The following ZNF737 variants were observed in gnomAD, a reference collection of about 807,000 sequenced individuals.
The protein encoded by ZNF737 is zinc finger protein 102 (Y3).
Under a neutral mutation model 11.7 loss-of-function variants are expected in ZNF737, and 13 were observed. The observed-to-expected ratio is 1.11, with a 90% CI of 0.73 to 1.77. The LOEUF (loss-of-function observed/expected upper bound fraction) is 1.77. Among genes scored for constraint, ZNF737 ranks in the 40% most tolerant of loss-of-function variants. The probability of loss-of-function intolerance (pLI) is 0.00; values close to 1 mark genes in which losing one functional copy is unlikely to be tolerated. For synonymous variants in ZNF737, 217 were observed against 216.2 expected (o/e 1.00, Z -0.03); for missense variants, 636 against 638.0 (o/e 1.00, Z 0.03).
chr19:20,564,766 A>ATT (rs1162992096), intron 1 of ZNF737, among the ~76,000 whole-genome samples: 1 of 152,154 alleles, frequency 6.6e-6, no homozygotes, highest in Non-Finnish European at 1.5e-5. Context: ...TGTGAAAATA[A>ATT]TTAAGTGGCA....
chr19:20,535,114 C>T (rs149016737), downstream of ZNF737, among the ~76,000 whole-genome samples: 2,588 of 133,984 alleles, frequency 0.019, 218 homozygotes, highest in African/African-American at 0.068. Context: ...CCTGCCTCTA[C>T]TAAAAATACA....
chr19:20,545,780 T>C lies in ZNF737; in HGVS notation c.423A>G (p.Gln141=), dbSNP rs782275749. The part of the protein sequence containing the change: ...NGLNQYLTTT[Q]SKIFQCDKYV... ...ATTTATCACACTGAAATATTTTGCT[T>C]TGAGTAGTTGTCAAATATTGGTTAA... The change falls in exon 4 of 4, where the codon CAA becomes CAG. Residue 141 remains glutamine, a synonymous_variant. Coordinates refer to ENST00000427401, the MANE Select transcript of ZNF737 (RefSeq NM_001159293.2). 9 of 1,613,064 alleles carry C rather than the reference T, an allele frequency of 5.6e-6. No individual in the cohort carries two copies. Among genetic ancestry groups the C allele is most frequent in the Non-Finnish European group, 7.6e-6 (9 of 1,179,658 alleles).
intron 1 of ZNF737, chr19:20,563,953 CAG>C (rs1555763101): frequency 6.6e-6 from 1 of 152,062 alleles, no homozygotes; most frequent in Non-Finnish European, 1.5e-5. Flanking sequence ...ATCACGATGT[CAG>C]AAGATCACGA....
chr19:20,552,509 G>A lies in ZNF737; in HGVS notation c.192C>T (p.Thr64=), dbSNP rs782398357. The A allele has an allele frequency of 2.5e-5, 40 of 1,594,616 alleles. No homozygotes were observed. The highest frequency in any genetic ancestry group is 1.6e-4 in the Admixed American group (9 of 55,652). ...TCLEQGKKPL[T]MKKHEMVANP... is the part of the protein sequence containing the mutation. ...TGGCTACCATCTCATGTTTCTTCAT[G>A]GTCAAAGGTTTTTTTCCTTGCTCCA... The change falls in exon 3 of 4, where the codon ACC becomes ACT. Residue 64 remains threonine, a synonymous_variant. Transcript: ENST00000427401.
rs1555763624 is a variant in ZNF737 at position 20,565,657 on chromosome 19, G to T, written c.-17C>A. On this transcript the variant is annotated 5_prime_UTR_variant, in exon 1 of 4. Transcript: ENST00000427401. ...TCTCACCATTTCTAGGCTTCCAGGG[G>T]CTCCCGGGCGTCTTAGCTGTGGATC... 5.0e-6 allele frequency: 8 copies of T among 1,614,182 alleles called. No homozygotes were observed. The highest frequency in any genetic ancestry group is 4.0e-5 in the African/African-American group (3 of 75,030).
intron 1 of ZNF737, among the ~76,000 whole-genome samples, chr19:20,564,943 T>G (rs1264658922): frequency 6.6e-6 from 1 of 150,854 alleles, no homozygotes; most frequent in East Asian, 2.0e-4. Flanking sequence ...CAGGAATTTT[T>G]TTTTTTTTTT....
the ZNF737 span, among the ~76,000 whole-genome samples, chr19:20,530,561 G>A: frequency 7.5e-5 from 11 of 147,562 alleles, no homozygotes; most frequent in East Asian, 4.2e-4. Flanking sequence ...TGGGGCGGCC[G>A]GGCAGAGACG....
rs782031893 is a variant in ZNF737 at position 20,539,250 on chromosome 19, A to G, written c.*5342T>C. 2.2e-6 allele frequency: 2 copies of G among 910,562 alleles called. No homozygotes were observed. The highest frequency in any genetic ancestry group is 2.6e-6 in the Non-Finnish European group (2 of 761,840). The allele number at this position is 910,562 out of a possible 1,614,324, so 56.4% of individuals were successfully genotyped here. A position where few individuals can be genotyped will look rare whatever the true frequency, so the allele number is the denominator to read the frequency against. On this transcript the variant is annotated 3_prime_UTR_variant, in exon 4 of 4. Transcript: ENST00000427401. ...GGTTGCAGTGAGCTGAGCACGTACCATTGCAGTGCAGCGTGAGTGACAGAG... is the reference window on the plus strand; with the variant it reads ...GGTTGCAGTGAGCTGAGCACGTACCGTTGCAGTGCAGCGTGAGTGACAGAG...
intron 1 of ZNF737, among the ~76,000 whole-genome samples, chr19:20,562,614 T>C (rs1555762762): frequency 6.6e-6 from 1 of 151,866 alleles, no homozygotes; most frequent in Non-Finnish European, 1.5e-5. Context: ...CACCTCAGCC[T>C]CCCAATAATT....
chr19:20,532,966 A>C (rs1321147202), downstream of ZNF737, among the ~76,000 whole-genome samples: 2 of 150,118 alleles, frequency 1.3e-5, no homozygotes, highest in Non-Finnish European at 3.0e-5. Flanking sequence ...CAAGAGTGTG[A>C]TTTTACATCA....
At chr19:20,536,101 G>A (rs1418729486), downstream of ZNF737, 5 of 985,100 alleles carry the variant, frequency 5.1e-6, no homozygotes, top group Admixed American at 3.1e-4. Context: ...ATACAGATGA[G>A]AGTAGCAGTT....
Position 20,542,220 on chromosome 19 carries a change from A to C in ZNF737, c.*2372T>G. 3.1e-6 allele frequency: 3 copies of C among 981,332 alleles called. No individual in the cohort carries two copies. The South Asian group carries it at 1.4e-4, about 46-fold the overall frequency. 60.8% of individuals were successfully genotyped at this position (981,332 alleles called of 1,614,324 possible). A position where few individuals can be genotyped will look rare whatever the true frequency, so the allele number is the denominator to read the frequency against. On this transcript the variant is annotated 3_prime_UTR_variant, in exon 4 of 4. Coordinates refer to ENST00000427401, the MANE Select transcript of ZNF737 (RefSeq NM_001159293.2). ...AAATAAAATAAAATTAAGTTCACAA[A>C]TAATCTAACAAACTTTTTTTTTTTT... is the stretch of plus-strand genomic sequence containing the variant.
chr19:20,543,383 G>T lies in ZNF737; in HGVS notation c.*1209C>A. On this transcript the variant is annotated 3_prime_UTR_variant, in exon 4 of 4. Coordinates refer to ENST00000427401, the MANE Select transcript of ZNF737 (RefSeq NM_001159293.2). The stretch of plus-strand genomic sequence containing the variant: ...AACTCCCTTTATATTTGTAATGCTT[G>T]TCTTCACAATAAATACTCTTCTTCA... The T allele has an allele frequency of 1.0e-6, 1 of 986,350 alleles. No homozygotes were observed. The highest frequency in any genetic ancestry group is 1.2e-6 in the Non-Finnish European group (1 of 829,630). The allele number at this position is 986,350 out of a possible 1,614,324, so 61.1% of individuals were successfully genotyped here.
chr19:20,540,887 T>C lies in ZNF737; in HGVS notation c.*3705A>G. The C allele has an allele frequency of 1.0e-6, 1 of 961,960 alleles. No individual in the cohort carries two copies. The highest frequency in any genetic ancestry group is 4.8e-5 in the South Asian group (1 of 20,760). 59.6% of individuals were successfully genotyped at this position (961,960 alleles called of 1,614,324 possible). ...AACTATTTTTCTGGCTTAAATTATT[T>C]TTTATGCACCATTTATACATTCACA... On this transcript the variant is annotated 3_prime_UTR_variant, in exon 4 of 4. Coordinates refer to ENST00000427401, the MANE Select transcript of ZNF737 (RefSeq NM_001159293.2).
At chr19:20,555,292 G>A (rs1370215256) in intron 1 of ZNF737, among the ~76,000 whole-genome samples, 2 of 151,450 alleles carry the variant, frequency 1.3e-5, no homozygotes, top group Admixed American at 1.3e-4. Flanking sequence ...AAGCTATTCT[G>A]CTGCCTCAGC....
Position 20,539,262 on chromosome 19 carries a change from C to A in ZNF737, c.*5330G>T. 2.1e-6 allele frequency: 2 copies of A among 942,016 alleles called. No individual in the cohort carries two copies. The highest frequency in any genetic ancestry group is 2.5e-6 in the Non-Finnish European group (2 of 791,832). 58.4% of individuals were successfully genotyped at this position (942,016 alleles called of 1,614,324 possible). A position where few individuals can be genotyped will look rare whatever the true frequency, so the allele number is the denominator to read the frequency against. On this transcript the variant is annotated 3_prime_UTR_variant, in exon 4 of 4. Transcript: ENST00000427401. The stretch of plus-strand genomic sequence containing the variant: ...CTGAGCACGTACCATTGCAGTGCAG[C>A]GTGAGTGACAGAGTGAGAATCCTTC...
chr19:20,531,010 G>A (rs566942509), downstream of ZNF737, among the ~76,000 whole-genome samples: 848 of 148,384 alleles, frequency 5.7e-3, 35 homozygotes, highest in Admixed American at 0.014. Context: ...CGGATCACTC[G>A]CGGTTAGGAG....
At chr19:20,535,936 T>C (rs2122450742), downstream of ZNF737, 1 of 311,056 alleles carries the variant, frequency 3.2e-6, no homozygotes, top group Admixed American at 6.5e-5. Flanking sequence ...AGGTTTTTTG[T>C]CTGGTTAAGA....
chr19:20,550,887 C>T (rs1968637690), intron 3 of ZNF737, among the ~76,000 whole-genome samples: 1 of 152,194 alleles, frequency 6.6e-6, no homozygotes, highest in Admixed American at 6.5e-5. Context: ...TGGCTACAGA[C>T]CAGGATAGGG....
Sources: allele counts gnomAD v4.1 joint callset (sites outside exome capture counted in the v4.1 genomes callset), GRCh38; gene constraint gnomAD v4.1.1; transcripts MANE v1.5; gene names NCBI Gene and HGNC (gene_info 2026-07-23, HGNC 2026-07-21).